The following IQSEC3 variants were observed in gnomAD, a reference collection of about 807,000 sequenced individuals.
IQSEC3 encodes the protein IQ motif and Sec7 domain ArfGEF 3, also known as IQ motif and SEC7 domain-containing protein 3.
A neutral mutation model predicts 105.4 loss-of-function variants in IQSEC3; 50 were observed. The ratio of observed to expected loss-of-function variants is 0.47; its 90% CI spans 0.38 to 0.60. The LOEUF (loss-of-function observed/expected upper bound fraction) is 0.60. IQSEC3 is among the 20% of genes least tolerant of loss of function. The pLI, the probability that IQSEC3 is intolerant of heterozygous loss-of-function variation, is 0.00. For synonymous variants in IQSEC3, 708 were observed against 746.0 expected, an observed-to-expected ratio of 0.95 and a Z score of 0.83; for missense variants, 1,415 against 1,630.0, an observed-to-expected ratio of 0.87 and a Z score of 2.27.
At chr12:76,126 ACACAC>A (rs1863514052) in intron 1 of IQSEC3, among the ~76,000 whole-genome samples, 1 of 129,426 alleles carries the variant, frequency 7.7e-6, no homozygotes, top group Non-Finnish European at 1.6e-5. Context: ...ACACACACAC[ACACAC>A]AAGGCCTCAG....
chr12:76,237 G>T (rs1332374434), intron 1 of IQSEC3, among the ~76,000 whole-genome samples: 1 of 152,268 alleles, frequency 6.6e-6, no homozygotes, highest in Non-Finnish European at 1.5e-5. Flanking sequence ...AGAGGAAAGA[G>T]CTGGATTCCG....
intron 2 of IQSEC3, among the ~76,000 whole-genome samples, chr12:104,648 C>T (rs1222939451): frequency 1.3e-5 from 2 of 152,242 alleles, no homozygotes; most frequent in Admixed American, 1.3e-4. Context: ...CACTTCCTCC[C>T]GGGCCGCCCG....
intron 1 of IQSEC3, among the ~76,000 whole-genome samples, chr12:70,954 C>T (rs1202824574): frequency 2.0e-5 from 3 of 152,270 alleles, no homozygotes; most frequent in African/African-American, 7.2e-5. Context: ...TTCCTTCATT[C>T]TCTTCTCCCC....
At chr12:69,932 A>G (rs1355253930) in intron 1 of IQSEC3, among the ~76,000 whole-genome samples, 3 of 152,248 alleles carry the variant, frequency 2.0e-5, no homozygotes, top group African/African-American at 7.2e-5. Context: ...ATGGAGAGGG[A>G]GAGGTGAGGA....
intron 3 of IQSEC3, among the ~76,000 whole-genome samples, chr12:131,815 G>C (rs2136982472): frequency 6.6e-6 from 1 of 152,298 alleles, no homozygotes; most frequent in East Asian, 1.9e-4. Flanking sequence ...GGGCCTGGCA[G>C]GCCCAACTCT....
intron 1 of IQSEC3, among the ~76,000 whole-genome samples, chr12:88,957 A>T (rs986604626): frequency 2.1e-4 from 32 of 152,218 alleles, no homozygotes; most frequent in Non-Finnish European, 8.8e-5. Flanking sequence ...CTCTCAAGGT[A>T]GTTTCATATT....
intron 1 of IQSEC3, among the ~76,000 whole-genome samples, chr12:82,136 A>C (rs1211975339): frequency 6.6e-6 from 1 of 152,216 alleles, no homozygotes; most frequent in Non-Finnish European, 1.5e-5. Context: ...TTTTTAAGAC[A>C]GTCGGGGAAT....
At chr12:73,337 G>C (rs1863400105) in intron 1 of IQSEC3, among the ~76,000 whole-genome samples, 1 of 152,258 alleles carries the variant, frequency 6.6e-6, no homozygotes, top group Non-Finnish European at 1.5e-5. Context: ...CTACCTTAAA[G>C]ACTTGTCGTA....
At chr12:137,221 TCCAACC>T (rs2136993256) in intron 3 of IQSEC3, among the ~76,000 whole-genome samples, 1 of 152,234 alleles carries the variant, frequency 6.6e-6, no homozygotes, top group South Asian at 2.1e-4. Context: ...ACACAGATGG[TCCAACC>T]CCAATCCCGA....
chr12:133,233 T>C (rs1865655166), intron 3 of IQSEC3, among the ~76,000 whole-genome samples: 1 of 152,226 alleles, frequency 6.6e-6, no homozygotes, highest in Non-Finnish European at 1.5e-5. Flanking sequence ...CGGGCTCCTC[T>C]GATGATGTCC....
At chr12:105,419 C>T (rs926963342) in intron 2 of IQSEC3, among the ~76,000 whole-genome samples, 2 of 152,168 alleles carry the variant, frequency 1.3e-5, no homozygotes, top group African/African-American at 4.8e-5. Context: ...ATCCTGGGGA[C>T]AGGGGGCTTG....
intron 13 of IQSEC3, among the ~76,000 whole-genome samples, chr12:172,063 C>T (rs2137072606): frequency 6.6e-6 from 1 of 152,290 alleles, no homozygotes; most frequent in South Asian, 2.1e-4. Context: ...CTCCCGGGGC[C>T]ACCGGCTGCT....
intron 2 of IQSEC3, among the ~76,000 whole-genome samples, chr12:104,456 G>A (rs1277344405): frequency 6.6e-6 from 1 of 152,196 alleles, no homozygotes; most frequent in African/African-American, 2.4e-5. Flanking sequence ...ATATAAATGG[G>A]ACTTCATCAT....
chr12:120,660 G>T (rs563155247), intron 2 of IQSEC3, among the ~76,000 whole-genome samples: 25 of 152,272 alleles, frequency 1.6e-4, no homozygotes, highest in Non-Finnish European at 2.9e-4. Context: ...CAACACACAG[G>T]TCATTCTGCT....
intron 11 of IQSEC3, among the ~76,000 whole-genome samples, chr12:168,771 G>A (rs1375386807): frequency 6.6e-6 from 1 of 152,136 alleles, no homozygotes; most frequent in African/African-American, 2.4e-5. Context: ...GGCCTCTTCT[G>A]TGCCTCTCTG....
chr12:127,254 C>G (rs552087036), intron 3 of IQSEC3, among the ~76,000 whole-genome samples: 3 of 152,334 alleles, frequency 2.0e-5, no homozygotes, highest in African/African-American at 7.2e-5. Flanking sequence ...GGCGTGGTGG[C>G]TCATACCTGT....
intron 5 of IQSEC3, among the ~76,000 whole-genome samples, chr12:155,198 C>T: frequency 6.6e-6 from 1 of 152,228 alleles, no homozygotes; most frequent in Non-Finnish European, 1.5e-5. Context: ...TCAGAGCAGC[C>T]TCTCGCCTGG....
intron 13 of IQSEC3, 44 bp downstream of exon 13, chr12:171,205 C>G: frequency 6.2e-7 from 1 of 1,613,878 alleles, no homozygotes; most frequent in Non-Finnish European, 8.5e-7. Context: ...TACCCTGCCC[C>G]CTTGTTCTTC....
At chr12:84,398 T>C (rs182288584) in intron 1 of IQSEC3, among the ~76,000 whole-genome samples, 1 of 152,376 alleles carries the variant, frequency 6.6e-6, no homozygotes, top group East Asian at 1.9e-4. Context: ...ACATCCTTGT[T>C]CTCAGCTCTG....
Sources: allele counts gnomAD v4.1 joint callset (sites outside exome capture counted in the v4.1 genomes callset), GRCh38; gene constraint gnomAD v4.1.1; transcripts MANE v1.5; gene names NCBI Gene and HGNC (gene_info 2026-07-23, HGNC 2026-07-21).